CACNA1E: variants seen among roughly 807,000 people sequenced by gnomAD.
CACNA1E encodes voltage-dependent R-type calcium channel subunit alpha-1E.
Under a neutral mutation model 259.2 loss-of-function variants are expected in CACNA1E, and 40 were observed. The observed-to-expected ratio is 0.15, with a 90% CI of 0.12 to 0.20. The LOEUF is 0.20. CACNA1E is among the 10% of genes least tolerant of loss of function. The pLI is 1.00. For synonymous variants in CACNA1E, 1,104 were observed against 1,138.5 expected, an observed-to-expected ratio of 0.97 and a Z score of 0.61; for missense variants, 1,874 against 3,040.1, an observed-to-expected ratio of 0.62 and a Z score of 9.02.
intron 1 of CACNA1E, among the ~76,000 whole-genome samples, chr1:181,336,902 T>A (rs1651751135): frequency 6.9e-6 from 1 of 143,940 alleles, no homozygotes; most frequent in African/African-American, 2.6e-5. Context: ...TGGAATTTAG[T>A]TGTCTTTATA....
At chr1:181,744,446 T>G (rs1346383500) in intron 25 of CACNA1E, among the ~76,000 whole-genome samples, 2 of 152,140 alleles carry the variant, frequency 1.3e-5, no homozygotes, top group Non-Finnish European at 2.9e-5. Context: ...CGGATTTGCT[T>G]GTGGGATTTT....
chr1:181,677,402 TG>T (rs1334538634), intron 7 of CACNA1E, among the ~76,000 whole-genome samples: 3 of 152,216 alleles, frequency 2.0e-5, no homozygotes, highest in African/African-American at 7.2e-5. Context: ...CCTTTAAACA[TG>T]TAATTTTAAA....
intron 1 of CACNA1E, among the ~76,000 whole-genome samples, chr1:181,340,484 T>C (rs1652068782): frequency 1.3e-5 from 2 of 152,162 alleles, no homozygotes; most frequent in Admixed American, 6.5e-5. Flanking sequence ...ACAAAATTTA[T>C]TGGTAATTTT....
intron 7 of CACNA1E, 118 bp from the exon 8 acceptor site, chr1:181,710,836 G>C: frequency 1.4e-6 from 1 of 708,774 alleles, no homozygotes; most frequent in Non-Finnish European, 2.5e-6. Context: ...CAGGGGAAAG[G>C]GTACATGGGC....
At chr1:181,427,280 A>T (rs1659352533) in intron 2 of CACNA1E, among the ~76,000 whole-genome samples, 1 of 149,516 alleles carries the variant, frequency 6.7e-6, no homozygotes, top group South Asian at 2.1e-4. Flanking sequence ...GCCCCATCTC[A>T]ACCTCACTCA....
At chr1:181,650,365 G>C (rs1279398534) in intron 6 of CACNA1E, among the ~76,000 whole-genome samples, 3 of 152,212 alleles carry the variant, frequency 2.0e-5, no homozygotes, top group Non-Finnish European at 4.4e-5. Context: ...TCTGTTGTAA[G>C]TTTCAAATGG....
chr1:181,378,049 A>G (rs923321691), intron 1 of CACNA1E, among the ~76,000 whole-genome samples: 5 of 152,250 alleles, frequency 3.3e-5, no homozygotes, highest in African/African-American at 1.2e-4. Flanking sequence ...GATTTTAACT[A>G]TAGTGATGGT....
chr1:181,603,788 G>T (rs551341205), intron 6 of CACNA1E, among the ~76,000 whole-genome samples: 1 of 152,158 alleles, frequency 6.6e-6, no homozygotes, highest in Non-Finnish European at 1.5e-5. Context: ...TCTCAGAGGG[G>T]CCAGTTGTCT....
intron 2 of CACNA1E, among the ~76,000 whole-genome samples, chr1:181,476,944 G>C (rs10910940): frequency 0.49 from 74,840 of 151,932 alleles, 18,827 homozygotes; most frequent in East Asian, 0.71. Context: ...GCTAAACTCC[G>C]AACCTCCAAA....
At chr1:181,775,192 C>T (rs1016074711) in intron 37 of CACNA1E, among the ~76,000 whole-genome samples, 5 of 152,072 alleles carry the variant, frequency 3.3e-5, no homozygotes, top group African/African-American at 1.2e-4. Flanking sequence ...ACCACTGTGC[C>T]CAGGGAAATG....
chr1:181,409,063 GA>G (rs1204243217), intron 1 of CACNA1E, among the ~76,000 whole-genome samples: 2 of 152,158 alleles, frequency 1.3e-5, no homozygotes, highest in African/African-American at 4.8e-5. Context: ...GCAGATGAAA[GA>G]CCAAAGTTTA....
rs1489727366 is a variant in CACNA1E at position 181,483,583 on chromosome 1, G to A, written c.-162G>A. 6.6e-6 allele frequency: 3 copies of A among 453,380 alleles called. No individual in the cohort carries two copies. The highest frequency in any genetic ancestry group is 1.2e-5 in the Non-Finnish European group (3 of 257,008). The allele number at this position is 453,380 out of a possible 1,614,324, so 28.1% of individuals were successfully genotyped here. On this transcript the variant is annotated 5_prime_UTR_variant, in exon 1 of 48. Coordinates refer to ENST00000367573, the MANE Select transcript of CACNA1E (RefSeq NM_001205293.3). The stretch of plus-strand genomic sequence containing the variant: ...CAACAGTTCACAGCGGCGGGCTGCT[G>A]CTGCTGCCTCTCCGAAGAGCTCGCG...
chr1:181,523,576 T>C (rs544126350), intron 3 of CACNA1E, among the ~76,000 whole-genome samples: 3 of 152,302 alleles, frequency 2.0e-5, no homozygotes, highest in South Asian at 2.1e-4. Context: ...AGTCTCAATG[T>C]CTCCATCTGC....
At position 181,718,182 on chromosome 1, in the gene CACNA1E, G is replaced by T. The variant is rs759680965; in HGVS notation, c.1638+15G>T. The T allele has an allele frequency of 6.8e-6, 9 of 1,321,320 alleles. No individual in the cohort carries two copies. In the South Asian group the frequency reaches 8.3e-5, roughly 12 times the overall value. 81.8% of individuals were successfully genotyped at this position (1,321,320 alleles called of 1,614,324 possible). On this transcript the variant is annotated intron_variant, in intron 12 of 47. Coordinates refer to ENST00000367573, the MANE Select transcript of CACNA1E (RefSeq NM_001205293.3). The stretch of plus-strand genomic sequence containing the variant: ...TTGATTTTGGGGTAAGTCCTCGGAA[G>T]CCTGCCTCTGCTCCTGCTTCGTGTT...
intron 2 of CACNA1E, among the ~76,000 whole-genome samples, chr1:181,452,876 A>T (rs77742732): frequency 0.03 from 4,584 of 152,222 alleles, 124 homozygotes; most frequent in African/African-American, 0.079. Flanking sequence ...TTCTGCCCCA[A>T]CACCCTACCA....
chr1:181,807,728 T>A lies in CACNA1E; in HGVS notation c.*8894T>A, dbSNP rs1662727045. ...ATGACTTTATTAGCTAGGATTTTTCTTATGATTAAAAACATCCAAAAATGT... is the reference window on the plus strand; with the variant it reads ...ATGACTTTATTAGCTAGGATTTTTCATATGATTAAAAACATCCAAAAATGT... On this transcript the variant is annotated 3_prime_UTR_variant, in exon 48 of 48. Coordinates refer to ENST00000367573, the MANE Select transcript of CACNA1E (RefSeq NM_001205293.3). 6.6e-6 allele frequency: 1 copy of A among 152,156 alleles called. No homozygotes were observed. The highest frequency in any genetic ancestry group is 1.5e-5 in the Non-Finnish European group (1 of 68,032). 9.4% of individuals were successfully genotyped at this position (152,156 alleles called of 1,614,324 possible).
At chr1:181,430,427 T>C (rs1165344026) in intron 2 of CACNA1E, among the ~76,000 whole-genome samples, 1 of 152,226 alleles carries the variant, frequency 6.6e-6, no homozygotes, top group Non-Finnish European at 1.5e-5. Flanking sequence ...TCCCCTTATC[T>C]GTGCAGCTGC....
At chr1:181,663,566 C>T (rs185315015) in intron 7 of CACNA1E, among the ~76,000 whole-genome samples, 28 of 152,290 alleles carry the variant, frequency 1.8e-4, no homozygotes, top group Non-Finnish European at 3.5e-4. Flanking sequence ...CATCAGGACC[C>T]TCTTAGGGAA....
chr1:181,630,207 G>A (rs970333385), intron 6 of CACNA1E, among the ~76,000 whole-genome samples: 1 of 152,080 alleles, frequency 6.6e-6, no homozygotes, highest in Admixed American at 6.5e-5. Flanking sequence ...AATGTACAAA[G>A]ACAAAATAAG....
Sources: allele counts gnomAD v4.1 joint callset (sites outside exome capture counted in the v4.1 genomes callset), GRCh38; gene constraint gnomAD v4.1.1; transcripts MANE v1.5; gene names NCBI Gene and HGNC (gene_info 2026-07-23, HGNC 2026-07-21).